TFDP2: variants seen among roughly 807,000 people sequenced by gnomAD.
TFDP2 encodes the protein transcription factor Dp-2, also known as transcription factor Dp-2 (E2F dimerization partner 2).
Under a neutral mutation model 59.3 loss-of-function variants are expected in TFDP2, and 17 were observed. That is an observed-to-expected ratio of 0.29 (90% CI 0.20 to 0.43). The LOEUF is 0.43. Ranked by LOEUF, TFDP2 falls within the 20% of genes least tolerant of loss-of-function variation. TFDP2 has a pLI of 1.00. For synonymous variants in TFDP2, 180 were observed against 194.7 expected (o/e 0.92, Z 0.63); for missense variants, 391 against 528.8 (o/e 0.74, Z 2.56).
chr3:142,050,747 T>C (rs527722440), intron 3 of TFDP2, among the ~76,000 whole-genome samples: 2 of 151,532 alleles, frequency 1.3e-5, no homozygotes, highest in South Asian at 2.1e-4. Context: ...ACTTGGGAGG[T>C]TGAGGCAGGA....
intron 3 of TFDP2, among the ~76,000 whole-genome samples, chr3:142,060,408 TAA>T (rs2059879652): frequency 6.6e-6 from 1 of 152,036 alleles, no homozygotes; most frequent in South Asian, 2.1e-4. Flanking sequence ...CAACAAAACC[TAA>T]AAAGAGAAAA....
intron 1 of TFDP2, among the ~76,000 whole-genome samples, chr3:142,143,659 A>G (rs1480391252): frequency 1.3e-5 from 2 of 152,236 alleles, no homozygotes; most frequent in Non-Finnish European, 2.9e-5. Context: ...GGTGCTCAAC[A>G]TTGCTGATCA....
intron 3 of TFDP2, among the ~76,000 whole-genome samples, chr3:142,054,582 C>T (rs950762489): frequency 1.3e-5 from 2 of 152,130 alleles, no homozygotes; most frequent in African/African-American, 2.4e-5. Context: ...ATTAACACCT[C>T]GTGTTTGTAT....
At chr3:142,138,063 G>T (rs1318900969) in intron 1 of TFDP2, among the ~76,000 whole-genome samples, 1 of 152,168 alleles carries the variant, frequency 6.6e-6, no homozygotes, top group Non-Finnish European at 1.5e-5. Flanking sequence ...CCTGATATTG[G>T]TCTATTCAGA....
intron 6 of TFDP2, among the ~76,000 whole-genome samples, chr3:141,979,972 C>T (rs1037079581): frequency 2.0e-5 from 3 of 151,024 alleles, no homozygotes; most frequent in Non-Finnish European, 4.4e-5. Context: ...GCAGTGGTGC[C>T]GTCATGGCTC....
chr3:141,964,320 C>T (rs1039914473), intron 9 of TFDP2, among the ~76,000 whole-genome samples: 2 of 152,100 alleles, frequency 1.3e-5, no homozygotes, highest in Admixed American at 6.6e-5. Context: ...CAGGGATATG[C>T]AAACATTTTA....
chr3:142,139,853 G>A (rs2062874162), intron 1 of TFDP2, among the ~76,000 whole-genome samples: 1 of 152,124 alleles, frequency 6.6e-6, no homozygotes, highest in African/African-American at 2.4e-5. Flanking sequence ...TCTTGGGGTT[G>A]CTCTTCTCAG....
intron 1 of TFDP2, among the ~76,000 whole-genome samples, chr3:142,135,702 G>C (rs11711633): frequency 6.6e-6 from 1 of 151,980 alleles, no homozygotes; most frequent in East Asian, 1.9e-4. Flanking sequence ...ATGGTTTCCA[G>C]CTTCATCCAT....
chr3:142,123,281 C>T (rs976433309), intron 1 of TFDP2, among the ~76,000 whole-genome samples: 2 of 152,156 alleles, frequency 1.3e-5, no homozygotes, highest in African/African-American at 2.4e-5. Flanking sequence ...ACTACAGGCG[C>T]GTGCCACTGC....
At chr3:142,137,168 G>A (rs548908783) in intron 1 of TFDP2, among the ~76,000 whole-genome samples, 201 of 152,134 alleles carry the variant, frequency 1.3e-3, no homozygotes, top group Admixed American at 5.4e-3. Flanking sequence ...GAGTTCACTC[G>A]TGATTTGGCT....
chr3:141,966,544 A>G (rs931913430), intron 9 of TFDP2, among the ~76,000 whole-genome samples: 1 of 151,828 alleles, frequency 6.6e-6, no homozygotes, highest in African/African-American at 2.4e-5. Context: ...TAAAAGGAAA[A>G]ATAATTCACT....
chr3:142,142,775 C>T (rs940052724), intron 1 of TFDP2, among the ~76,000 whole-genome samples: 1 of 152,294 alleles, frequency 6.6e-6, no homozygotes, highest in African/African-American at 2.4e-5. Flanking sequence ...ATGGACAGAA[C>T]AGAGAATCCA....
intron 3 of TFDP2, among the ~76,000 whole-genome samples, chr3:142,069,610 CT>C (rs879529033): frequency 1.2e-3 from 171 of 143,350 alleles, no homozygotes; most frequent in East Asian, 1.4e-3. Flanking sequence ...TTTTCCTTTC[CT>C]TTTTTTTTTT....
At chr3:142,093,035 G>C (rs2061049838) in intron 3 of TFDP2, 26 bp downstream of exon 3, 1 of 1,484,078 alleles carries the variant, frequency 6.7e-7, no homozygotes, top group Non-Finnish European at 9.0e-7. Context: ...ACTTAATTCA[G>C]AAAAATTTTA....
rs1440894458 is a variant in TFDP2, at chr3:141,947,103, AT to A, written c.*5409del. 1 of 152,216 alleles carries A rather than the reference AT, an allele frequency of 6.6e-6. No homozygotes were observed. The highest frequency in any genetic ancestry group is 1.5e-5 in the Non-Finnish European group (1 of 68,052). The allele number at this position is 152,216 out of a possible 1,614,324, so 9.4% of individuals were successfully genotyped here. On this transcript the variant is annotated 3_prime_UTR_variant, in exon 13 of 13. Transcript: ENST00000489671. ...CATGTTTGGCTTGAGTGGAAATTTA[AT>A]CAAACACTGTTATCAACTGGGAATT...
At chr3:142,003,288 C>T (rs1943960187) in intron 4 of TFDP2, among the ~76,000 whole-genome samples, 1 of 152,050 alleles carries the variant, frequency 6.6e-6, no homozygotes, top group East Asian at 1.9e-4. Context: ...CATGAGCCAC[C>T]ACACCCGGCA....
At chr3:141,955,043 T>C (rs535024334) in intron 11 of TFDP2, among the ~76,000 whole-genome samples, 24 of 119,716 alleles carry the variant, frequency 2.0e-4, no homozygotes, top group Admixed American at 3.8e-4. Flanking sequence ...GACAAGTCTG[T>C]ACAAGAAAAT....
chr3:142,019,515 A>G (rs890371350), intron 3 of TFDP2, among the ~76,000 whole-genome samples: 1 of 152,194 alleles, frequency 6.6e-6, no homozygotes, highest in East Asian at 1.9e-4. Flanking sequence ...GCTCCCTGGA[A>G]GTGTACTTTA....
In TFDP2 at chr3:142,010,152, G is replaced by T. The variant is rs1482503847; in HGVS notation, c.83-4608C>A. On this transcript the variant is annotated intron_variant, in intron 3 of 12. Coordinates refer to ENST00000489671, the MANE Select transcript of TFDP2 (RefSeq NM_001178139.2). ...TCAGGCTGGTAAACAAATGTGCAAGGCACAGGTCATTTGATTACCATTCTT... is the reference window on the plus strand; with the variant it reads ...TCAGGCTGGTAAACAAATGTGCAAGTCACAGGTCATTTGATTACCATTCTT... Among the ~76,000 whole-genome samples the T allele has an allele frequency of 2.0e-5, 3 of 152,074 alleles. 1 individual carries two copies. In the South Asian group the frequency reaches 6.2e-4, roughly 32 times the overall value.
Sources: allele counts gnomAD v4.1 joint callset (sites outside exome capture counted in the v4.1 genomes callset), GRCh38; gene constraint gnomAD v4.1.1; transcripts MANE v1.5; gene names NCBI Gene and HGNC (gene_info 2026-07-23, HGNC 2026-07-21).